Variants in DPP10 observed in about 807,000 individuals in gnomAD.
DPP10 encodes the protein inactive dipeptidyl peptidase 10.
Under a neutral mutation model 120.9 loss-of-function variants are expected in DPP10, and 33 were observed. The observed-to-expected ratio is 0.27, with a 90% CI of 0.21 to 0.37. The LOEUF is 0.37. Among genes scored for constraint, DPP10 ranks in the 10% least tolerant of loss-of-function variants. DPP10 has a pLI of 1.00. For synonymous variants in DPP10, 337 were observed against 326.1 expected (o/e 1.03, Z -0.36); for missense variants, 816 against 942.8 (o/e 0.87, Z 1.76).
At position 115,704,270 on chromosome 2, in the gene DPP10, T is replaced by G. The variant is rs189180378; in HGVS notation, c.576+14349T>G. Among the ~76,000 whole-genome samples, 684 of 152,116 alleles carry G rather than the reference T, an allele frequency of 4.5e-3. 4 individuals carry two copies. Among genetic ancestry groups the G allele is most frequent in the African/African-American group, 0.016 (659 of 41,542 alleles). ...AAAAAAAAATTTCCTTCAAAAGTCT[T>G]TGTTAAATACTTTCTCTCTTCTTCT... is the stretch of plus-strand genomic sequence containing the variant. On this transcript the variant is annotated intron_variant, in intron 7 of 25. Transcript: ENST00000410059.
intron 1 of DPP10, among the ~76,000 whole-genome samples, chr2:114,573,055 C>T (rs972284183): frequency 6.6e-6 from 1 of 152,176 alleles, no homozygotes; most frequent in Non-Finnish European, 1.5e-5. Context: ...GTGATCATAG[C>T]CCATCGCAGA....
chr2:114,919,851 G>C (rs1695071953), intron 1 of DPP10, among the ~76,000 whole-genome samples: 1 of 152,130 alleles, frequency 6.6e-6, no homozygotes, highest in Non-Finnish European at 1.5e-5. Flanking sequence ...CACATTTTCA[G>C]TGCCTGGGAT....
At chr2:115,166,888 C>G (rs2052916556) in intron 1 of DPP10, among the ~76,000 whole-genome samples, 1 of 152,100 alleles carries the variant, frequency 6.6e-6, no homozygotes, top group African/African-American at 2.4e-5. Context: ...TTAAGCTTTA[C>G]TACTTATAGG....
intron 3 of DPP10, among the ~76,000 whole-genome samples, chr2:115,459,631 C>T (rs1428965257): frequency 1.3e-5 from 2 of 151,922 alleles, no homozygotes; most frequent in East Asian, 1.9e-4. Context: ...CTCTCCTTAA[C>T]TGACTACTCT....
intron 1 of DPP10, among the ~76,000 whole-genome samples, chr2:114,482,212 A>C (rs1332018873): frequency 6.6e-6 from 1 of 152,140 alleles, no homozygotes; most frequent in Non-Finnish European, 1.5e-5. Flanking sequence ...TATAACATTT[A>C]AAAAATGCCA....
chr2:114,848,761 GC>G (rs1688731734), intron 1 of DPP10, among the ~76,000 whole-genome samples: 1 of 152,202 alleles, frequency 6.6e-6, no homozygotes, highest in Non-Finnish European at 1.5e-5. Context: ...AGGTCAGAAA[GC>G]TTTTGCAGCA....
At chr2:115,215,918 G>A (rs1361276063) in intron 1 of DPP10, among the ~76,000 whole-genome samples, 1 of 152,112 alleles carries the variant, frequency 6.6e-6, no homozygotes, top group Non-Finnish European at 1.5e-5. Context: ...ATTGATCAAA[G>A]GATGACTGGA....
intron 1 of DPP10, among the ~76,000 whole-genome samples, chr2:114,874,116 G>A (rs1056007988): frequency 6.6e-6 from 1 of 152,148 alleles, no homozygotes; most frequent in African/African-American, 2.4e-5. Context: ...AAGAGATGGA[G>A]CCAGAGGCTT....
At chr2:114,632,509 T>A (rs1695002149) in intron 1 of DPP10, among the ~76,000 whole-genome samples, 2 of 131,318 alleles carry the variant, frequency 1.5e-5, no homozygotes, top group African/African-American at 2.9e-5. Context: ...TAGGGTTTTT[T>A]TTTTTTTTTT....
At chr2:115,522,526 T>C (rs2077875217) in intron 4 of DPP10, among the ~76,000 whole-genome samples, 1 of 152,212 alleles carries the variant, frequency 6.6e-6, no homozygotes, top group Non-Finnish European at 1.5e-5. Flanking sequence ...AAAACATACA[T>C]TTGTTTCTCT....
chr2:115,320,026 G>A (rs752364546), intron 2 of DPP10, among the ~76,000 whole-genome samples: 25 of 152,206 alleles, frequency 1.6e-4, no homozygotes, highest in Non-Finnish European at 2.9e-4. Flanking sequence ...TTTGGAAGGG[G>A]AATATAATCA....
At chr2:115,506,650 A>T (rs2076955893) in intron 4 of DPP10, among the ~76,000 whole-genome samples, 2 of 152,138 alleles carry the variant, frequency 1.3e-5, no homozygotes, top group African/African-American at 4.8e-5. Context: ...CTTGAATTAA[A>T]TATATGTATG....
chr2:115,099,925 A>G (rs1315006427), intron 1 of DPP10, among the ~76,000 whole-genome samples: 3 of 152,218 alleles, frequency 2.0e-5, no homozygotes, highest in African/African-American at 4.8e-5. Flanking sequence ...AAGATCTAAC[A>G]TATGACATAA....
chr2:115,065,825 A>T (rs1449833114), intron 1 of DPP10, among the ~76,000 whole-genome samples: 1 of 152,078 alleles, frequency 6.6e-6, no homozygotes, highest in African/African-American at 2.4e-5. Context: ...CATTTTTATC[A>T]TTGTTAGTTT....
chr2:115,745,991 C>A, intron 9 of DPP10, 95 bp from the exon 10 acceptor site: 1 of 905,350 alleles, frequency 1.1e-6, no homozygotes, highest in Non-Finnish European at 1.6e-6. Context: ...TCTTTTCTAA[C>A]ACAAAACAGT....
At chr2:114,674,503 C>T (rs921517459) in intron 1 of DPP10, among the ~76,000 whole-genome samples, 10 of 152,100 alleles carry the variant, frequency 6.6e-5, no homozygotes, top group Non-Finnish European at 1.5e-4. Flanking sequence ...GACATTATTT[C>T]AAGGCTGTTA....
At chr2:115,159,417 G>A (rs2052136702) in intron 1 of DPP10, among the ~76,000 whole-genome samples, 1 of 152,094 alleles carries the variant, frequency 6.6e-6, no homozygotes, top group African/African-American at 2.4e-5. Flanking sequence ...AAACAGAACT[G>A]CAAATACTCC....
chr2:115,173,766 A>G (rs550010845), intron 1 of DPP10, among the ~76,000 whole-genome samples: 1 of 152,274 alleles, frequency 6.6e-6, no homozygotes, highest in South Asian at 2.1e-4. Flanking sequence ...TTTTCTCTCC[A>G]TTATCCCCCT....
intron 1 of DPP10, among the ~76,000 whole-genome samples, chr2:115,024,754 A>G (rs1703338360): frequency 6.8e-6 from 1 of 147,872 alleles, no homozygotes; most frequent in Non-Finnish European, 1.5e-5. Context: ...ATATATTTAT[A>G]TATAAATATG....
Sources: allele counts gnomAD v4.1 joint callset (sites outside exome capture counted in the v4.1 genomes callset), GRCh38; gene constraint gnomAD v4.1.1; transcripts MANE v1.5; gene names NCBI Gene and HGNC (gene_info 2026-07-23, HGNC 2026-07-21).